Variants in CAMK2G observed in about 807,000 individuals in gnomAD.
CAMK2G encodes the protein calcium/calmodulin-dependent protein kinase type II subunit gamma.
Under a neutral mutation model 88.7 loss-of-function variants are expected in CAMK2G, and 23 were observed. The ratio of observed to expected loss-of-function variants is 0.26; its 90% CI spans 0.19 to 0.37. CAMK2G has a LOEUF of 0.37. Ranked by LOEUF, CAMK2G falls within the 10% of genes least tolerant of loss-of-function variation. The pLI is 1.00. For missense variants in CAMK2G, 476 were observed against 780.8 expected, an observed-to-expected ratio of 0.61 and a Z score of 4.65; for synonymous variants, 263 against 294.8, an observed-to-expected ratio of 0.89 and a Z score of 1.11.
At chr10:73,861,518 G>C (rs1470074872) in intron 2 of CAMK2G, among the ~76,000 whole-genome samples, 1 of 152,148 alleles carries the variant, frequency 6.6e-6, no homozygotes, top group Non-Finnish European at 1.5e-5. Context: ...ACCACGCCTG[G>C]CTAATTTTTG....
rs117631965 is a variant in CAMK2G at position 73,827,578 on chromosome 10, G to A, written c.1086+511C>T. 4.2e-3 allele frequency among the ~76,000 whole-genome samples: 639 copies of A among 152,298 alleles called. 17 individuals carry two copies. The East Asian group carries it at 0.048, about 11-fold the overall frequency. On this transcript the variant is annotated intron_variant, in intron 15 of 22. Transcript: ENST00000423381. ...GAGAAAGATGAGTTAGCTGTCCCCCGAGGGCTGGGTGGGCAGAATAAACCA... is the reference window on the plus strand; with the variant it reads ...GAGAAAGATGAGTTAGCTGTCCCCCAAGGGCTGGGTGGGCAGAATAAACCA...
At chr10:73,872,336 G>A (rs535855501) in intron 2 of CAMK2G, among the ~76,000 whole-genome samples, 2 of 72,678 alleles carry the variant, frequency 2.8e-5, no homozygotes, top group South Asian at 3.8e-4. Context: ...TGCCCAAACC[G>A]GGCCTTTGGG....
chr10:73,872,656 A>G (rs2095873309), intron 2 of CAMK2G, among the ~76,000 whole-genome samples: 1 of 152,180 alleles, frequency 6.6e-6, no homozygotes, highest in Non-Finnish European at 1.5e-5. Context: ...CCCCAAAGGG[A>G]GAGGCTCCAA....
intron 1 of CAMK2G, among the ~76,000 whole-genome samples, chr10:73,873,812 C>A (rs2095952738): frequency 1.2e-5 from 1 of 81,746 alleles, no homozygotes; most frequent in South Asian, 4.7e-4. Flanking sequence ...GCGGCCAGCT[C>A]AGTGCGGAGG....
chr10:73,860,699 C>T lies in CAMK2G; in HGVS notation c.220+131G>A, dbSNP rs1375466924. ...CAGAATTCTGAGACACAGTTGCTAT[C>T]CTGCTCATGTAAAAACAGACACCAG... On this transcript the variant is annotated intron_variant, in intron 3 of 22. Coordinates refer to ENST00000423381, the MANE Select transcript of CAMK2G (RefSeq NM_001367534.1). The T allele has an allele frequency of 4.1e-6, 3 of 727,598 alleles. No individual in the cohort carries two copies. In the East Asian group the frequency reaches 7.4e-5, roughly 18 times the overall value. The allele number at this position is 727,598 out of a possible 1,614,324, so 45.1% of individuals were successfully genotyped here.
intron 12 of CAMK2G, among the ~76,000 whole-genome samples, chr10:73,841,100 T>C (rs553478906): frequency 3.3e-5 from 5 of 152,326 alleles, no homozygotes; most frequent in African/African-American, 1.2e-4. Context: ...CGGAGCTCCA[T>C]GGCTCTCAGG....
intron 14 of CAMK2G, among the ~76,000 whole-genome samples, chr10:73,833,338 T>G (rs1048417580): frequency 3.3e-5 from 5 of 152,154 alleles, no homozygotes; most frequent in Admixed American, 3.3e-4. Context: ...TTTTGAATTA[T>G]TTCTTTAGGA....
chr10:73,844,564 T>C (rs892339134), intron 10 of CAMK2G, among the ~76,000 whole-genome samples: 1 of 152,068 alleles, frequency 6.6e-6, no homozygotes, highest in Admixed American at 6.5e-5. Context: ...TGTACCAACA[T>C]ACCCAGCTAA....
At chr10:73,834,675 T>C (rs760810798) in intron 14 of CAMK2G, among the ~76,000 whole-genome samples, 2 of 152,212 alleles carry the variant, frequency 1.3e-5, no homozygotes, top group Non-Finnish European at 2.9e-5. Context: ...TTTGGATTCA[T>C]GAAAGTGTTT....
chr10:73,836,618 C>T (rs921119719), intron 14 of CAMK2G, among the ~76,000 whole-genome samples: 2 of 152,122 alleles, frequency 1.3e-5, no homozygotes, highest in Admixed American at 6.5e-5. Context: ...GGGAACGGGG[C>T]TTGTGTGTGT....
At chr10:73,815,494 C>A (rs2085157895) in intron 21 of CAMK2G, among the ~76,000 whole-genome samples, 1 of 150,852 alleles carries the variant, frequency 6.6e-6, no homozygotes, top group African/African-American at 2.4e-5. Flanking sequence ...CGCTTTTAAT[C>A]AGGCATTGTG....
intron 5 of CAMK2G, among the ~76,000 whole-genome samples, chr10:73,850,557 G>A (rs888294698): frequency 2.0e-5 from 3 of 152,228 alleles, no homozygotes; most frequent in Admixed American, 2.0e-4. Flanking sequence ...ATGCACAGGA[G>A]AGGCCTCACA....
chr10:73,823,398 TAG>T (rs1414676984), intron 17 of CAMK2G, among the ~76,000 whole-genome samples: 2 of 152,116 alleles, frequency 1.3e-5, no homozygotes, highest in African/African-American at 4.8e-5. Context: ...TGTATTTTAG[TAG>T]AGACAGGGTT....
At chr10:73,865,838 C>G (rs1303331141) in intron 2 of CAMK2G, among the ~76,000 whole-genome samples, 1 of 152,244 alleles carries the variant, frequency 6.6e-6, no homozygotes, top group East Asian at 1.9e-4. Flanking sequence ...CCTCCACGCA[C>G]CTTTCTACCA....
In CAMK2G at chr10:73,842,954, A is replaced by G. The variant is rs146679950; in HGVS notation, c.820-413T>C. Among the ~76,000 whole-genome samples, 525 of 152,232 alleles carry G rather than the reference A, an allele frequency of 3.4e-3. 2 individuals carry two copies. Among genetic ancestry groups the G allele is most frequent in the African/African-American group, 0.01 (417 of 41,540 alleles). ...AGGGTTCCTGCTCTCTACAGAGGAC[A>G]TTCCTTCCTTCCAAGAGCCCCTCTC... On this transcript the variant is annotated intron_variant, in intron 10 of 22. Transcript: ENST00000423381. The surrounding 1 kb of genome is among the most constrained non-coding windows in gnomAD (Gnocchi z 4.6).
rs1369492516 is a variant in CAMK2G at position 73,839,711 on chromosome 10, C to CGAGCTGGGGGA, written c.947-121_947-111dup. The CGAGCTGGGGGA allele has an allele frequency of 1.7e-6, 1 of 591,480 alleles. No individual in the cohort carries two copies. The highest frequency in any genetic ancestry group is 2.5e-6 in the Non-Finnish European group (1 of 403,526). 36.6% of individuals were successfully genotyped at this position (591,480 alleles called of 1,614,324 possible). The stretch of plus-strand genomic sequence containing the variant: ...GCCCAGGCGGCGTGGCCAAGCCAGC[C>CGAGCTGGGGGA]GAGCTGGGGGAGCGGAGCGCCAGGG... On this transcript the variant is annotated intron_variant, in intron 12 of 22. Transcript: ENST00000423381. The surrounding 1 kb of genome is among the most constrained non-coding windows in gnomAD (Gnocchi z 4.2).
chr10:73,871,472 AC>A (rs1409781356), intron 2 of CAMK2G, among the ~76,000 whole-genome samples: 9 of 152,164 alleles, frequency 5.9e-5, no homozygotes, highest in Admixed American at 5.9e-4. Context: ...TGCATCATCA[AC>A]TGGAGACACC....
At chr10:73,814,669 CACTA>C (rs918210939) in intron 22 of CAMK2G, 164 bp from the exon 23 acceptor site, 26 of 259,660 alleles carry the variant, frequency 1.0e-4, no homozygotes, top group African/African-American at 3.6e-4. Flanking sequence ...ATTTGCTAAG[CACTA>C]ACTAAGTGCT....
At chr10:73,820,741 C>T (rs1307159638) in intron 18 of CAMK2G, among the ~76,000 whole-genome samples, 2 of 140,300 alleles carry the variant, frequency 1.4e-5, no homozygotes, top group East Asian at 2.2e-4. Context: ...GGGGTGATCT[C>T]GGCTCACTGC....
Sources: gnomAD v4.1 joint callset for allele counts (sites outside exome capture counted in the v4.1 genomes callset) on GRCh38, gnomAD v4.1.1 for gene constraint, Gnocchi (gnomAD v3.1) non-coding constraint, MANE v1.5 for transcripts, NCBI Gene and HGNC (gene_info 2026-07-23, HGNC 2026-07-21) for gene names.